Variants in PPP1CB observed in about 807,000 individuals in gnomAD.
The protein encoded by PPP1CB is protein phosphatase 1 catalytic subunit beta, also known as serine/threonine-protein phosphatase PP1-beta catalytic subunit.
A neutral mutation model predicts 43.7 loss-of-function variants in PPP1CB; 2 were observed. That is an observed-to-expected ratio of 0.05 (90% confidence interval 0.02 to 0.14). The LOEUF (loss-of-function observed/expected upper bound fraction) is 0.14, where lower values mean the gene tolerates loss of function less well. Among genes scored for constraint, PPP1CB ranks in the 10% least tolerant of loss-of-function variants. The pLI is 1.00. For synonymous variants in PPP1CB, 136 were observed against 135.6 expected (o/e 1.00, Z -0.02); for missense variants, 84 against 398.0 (o/e 0.21, Z 6.71).
In PPP1CB at chr2:28,752,163, C is replaced by T. The variant is rs370579366; in HGVS notation, c.39C>T (p.Thr13=). ...AGCTGAACGTGGACAGCCTCATCAC[C>T]CGGCTGCTGGAGGGTGAGTGCGCGC... ...DGELNVDSLI[T]RLLEVRGCRP... The change falls in exon 1 of 8, where the codon ACC becomes ACT. Residue 13 remains threonine, a synonymous_variant. Coordinates refer to ENST00000395366, the MANE Select transcript of PPP1CB (RefSeq NM_002709.3). 6.5e-6 allele frequency: 10 copies of T among 1,547,900 alleles called. No individual in the cohort carries two copies. Among genetic ancestry groups the T allele is most frequent in the East Asian group, 2.5e-5 (1 of 40,334 alleles).
At chr2:28,799,069 G>GA (rs1667554825) in intron 7 of PPP1CB, 130 bp from the exon 8 acceptor site, 2 of 632,004 alleles carry the variant, frequency 3.2e-6, no homozygotes, top group Non-Finnish European at 5.6e-6. Flanking sequence ...AATGTTTATG[G>GA]AACTTTGCTA....
chr2:28,792,148 CTGA>C (rs1229504687), intron 6 of PPP1CB, among the ~76,000 whole-genome samples: 2 of 151,966 alleles, frequency 1.3e-5, no homozygotes, highest in Admixed American at 1.3e-4. Flanking sequence ...CGAGGCCAGC[CTGA>C]AAAACATGGA....
At chr2:28,788,946 C>T in intron 6 of PPP1CB, 137 bp downstream of exon 6, 2 of 876,850 alleles carry the variant, frequency 2.3e-6, no homozygotes, top group Non-Finnish European at 3.3e-6. Context: ...CAACCTGTGC[C>T]TCCCGGGTTC....
At chr2:28,766,098 A>T (rs1392930657) in intron 1 of PPP1CB, among the ~76,000 whole-genome samples, 1 of 152,162 alleles carries the variant, frequency 6.6e-6, no homozygotes, top group African/African-American at 2.4e-5. Context: ...TTAAAAGGGG[A>T]AAAATTACTA....
rs1210625714 is a variant in PPP1CB, at chr2:28,800,088, T to C, written c.*785T>C. The C allele has an allele frequency of 1.3e-5, 2 of 152,494 alleles. No homozygotes were observed. Among genetic ancestry groups the C allele is most frequent in the Non-Finnish European group, 2.9e-5 (2 of 67,932 alleles). The allele number at this position is 152,494 out of a possible 1,614,324, so 9.4% of individuals were successfully genotyped here. A position where few individuals can be genotyped will look rare whatever the true frequency, so the allele number is the denominator to read the frequency against. On this transcript the variant is annotated 3_prime_UTR_variant, in exon 8 of 8. Transcript: ENST00000395366. The stretch of plus-strand genomic sequence containing the variant: ...CATTTCATTTAAGATAAGGCTCATA[T>C]AGTATTACCCAACTAGTTGGTAATG...
rs1411991740 is a variant in PPP1CB at position 28,800,068 on chromosome 2, CATTTA to C, written c.*767_*771del. On this transcript the variant is annotated 3_prime_UTR_variant, in exon 8 of 8. Coordinates refer to ENST00000395366, the MANE Select transcript of PPP1CB (RefSeq NM_002709.3). ...GATGCTCTATTGTGCAGTAGCATTTCATTTAAGATAAGGCTCATATAGTATTACCC... is the reference window on the plus strand; with the variant it reads ...GATGCTCTATTGTGCAGTAGCATTTCAGATAAGGCTCATATAGTATTACCC... The C allele has an allele frequency of 6.6e-6, 1 of 152,430 alleles. No homozygotes were observed. The highest frequency in any genetic ancestry group is 2.4e-5 in the African/African-American group (1 of 41,408). The allele number at this position is 152,430 out of a possible 1,614,324, so 9.4% of individuals were successfully genotyped here.
chr2:28,761,368 A>G (rs1666642891), intron 1 of PPP1CB, among the ~76,000 whole-genome samples: 1 of 152,216 alleles, frequency 6.6e-6, no homozygotes, highest in Non-Finnish European at 1.5e-5. Context: ...TCAAATATTA[A>G]TAAGTATTGA....
intron 2 of PPP1CB, 37 bp downstream of exon 2, chr2:28,777,019 A>T (rs772628821): frequency 1.6e-5 from 26 of 1,592,156 alleles, no homozygotes; most frequent in Non-Finnish European, 2.2e-5. Flanking sequence ...AACTCTTTTG[A>T]ATCATGTTTT....
chr2:28,774,929 G>A (rs1352458391), intron 1 of PPP1CB, among the ~76,000 whole-genome samples: 3 of 152,140 alleles, frequency 2.0e-5, no homozygotes, highest in Admixed American at 6.5e-5. Flanking sequence ...TTATAAACTA[G>A]CATATTTGCT....
Position 28,781,794 on chromosome 2 carries a change from C to T in PPP1CB, c.472C>T (p.Leu158=). The T allele has an allele frequency of 6.2e-7, 1 of 1,612,598 alleles. No individual in the cohort carries two copies. The highest frequency in any genetic ancestry group is 1.1e-5 in the South Asian group (1 of 90,742). The part of the protein sequence containing the change: ...WKTFTDCFNC[L]PIAAIVDEKI... ...GACCTTCACTGATTGTTTTAACTGTCTGCCTATAGCAGCCATTGTGGATGA... is the reference window on the plus strand; with the variant it reads ...GACCTTCACTGATTGTTTTAACTGTTTGCCTATAGCAGCCATTGTGGATGA... The change falls in exon 4 of 8, where the codon CTG becomes TTG. Residue 158 remains leucine (L), a synonymous_variant. Transcript: ENST00000395366.
At chr2:28,786,204 C>A (rs1444619834) in intron 5 of PPP1CB, among the ~76,000 whole-genome samples, 1 of 152,088 alleles carries the variant, frequency 6.6e-6, no homozygotes, top group Non-Finnish European at 1.5e-5. Flanking sequence ...ACCTCCACCT[C>A]CCAGGTTCAA....
chr2:28,754,928 T>C (rs148879815), intron 1 of PPP1CB, among the ~76,000 whole-genome samples: 181 of 152,342 alleles, frequency 1.2e-3, no homozygotes, highest in African/African-American at 4.0e-3. Flanking sequence ...ATATTCCTGA[T>C]TGTTTTTTCT....
chr2:28,771,546 A>G (rs1333309223), intron 1 of PPP1CB, among the ~76,000 whole-genome samples: 1 of 152,186 alleles, frequency 6.6e-6, no homozygotes, highest in Non-Finnish European at 1.5e-5. Flanking sequence ...CAAATGGGGT[A>G]ATGAGCTATA....
intron 1 of PPP1CB, among the ~76,000 whole-genome samples, chr2:28,766,665 A>G (rs569505017): frequency 1.3e-5 from 2 of 152,366 alleles, no homozygotes; most frequent in South Asian, 2.1e-4. Flanking sequence ...AATACCTGTC[A>G]TCGAGAGCCA....
At chr2:28,794,479 A>G (rs1667453948) in intron 7 of PPP1CB, among the ~76,000 whole-genome samples, 1 of 152,138 alleles carries the variant, frequency 6.6e-6, no homozygotes, top group Non-Finnish European at 1.5e-5. Context: ...TCATGAGGTC[A>G]GGTGATCAAG....
chr2:28,781,180 C>G (rs12151717), intron 3 of PPP1CB, among the ~76,000 whole-genome samples: 1 of 151,812 alleles, frequency 6.6e-6, no homozygotes, highest in Non-Finnish European at 1.5e-5. Flanking sequence ...CTAGCACAAT[C>G]TTTGGGATTT....
At chr2:28,774,605 T>G (rs1011640940) in intron 1 of PPP1CB, among the ~76,000 whole-genome samples, 1 of 152,180 alleles carries the variant, frequency 6.6e-6, no homozygotes, top group African/African-American at 2.4e-5. Flanking sequence ...CTTGTATTTT[T>G]AGTAAAGACA....
chr2:28,762,116 C>G (rs1176645537), intron 1 of PPP1CB, among the ~76,000 whole-genome samples: 1 of 152,080 alleles, frequency 6.6e-6, no homozygotes, highest in Non-Finnish European at 1.5e-5. Flanking sequence ...GAAACCCCAT[C>G]TCCTAAAAAT....
intron 3 of PPP1CB, among the ~76,000 whole-genome samples, chr2:28,781,274 T>C (rs1289495091): frequency 6.6e-6 from 1 of 152,146 alleles, no homozygotes; most frequent in Non-Finnish European, 1.5e-5. Context: ...TTTTGAAGTA[T>C]ATATACATTG....
Sources: allele counts gnomAD v4.1 joint callset (sites outside exome capture counted in the v4.1 genomes callset), GRCh38; gene constraint gnomAD v4.1.1; transcripts MANE v1.5; gene names NCBI Gene and HGNC (gene_info 2026-07-23, HGNC 2026-07-21).